The following SLC22A13 variants were observed in gnomAD, a reference collection of about 807,000 sequenced individuals.
SLC22A13 encodes the protein organic anion transporter 10.
Under a neutral mutation model 49.1 loss-of-function variants are expected in SLC22A13, and 42 were observed. The observed-to-expected ratio is 0.85, with a 90% confidence interval of 0.67 to 1.11. SLC22A13 has a LOEUF of 1.11. SLC22A13 is among the 50% of genes least tolerant of loss of function. The pLI, the probability that SLC22A13 is intolerant of heterozygous loss-of-function variation, is 0.00. For synonymous variants in SLC22A13, 282 were observed against 293.1 expected (o/e 0.96, Z 0.39); for missense variants, 694 against 712.8 (o/e 0.97, Z 0.30).
intron 4 of SLC22A13, 64 bp from the exon 5 acceptor site, chr3:38,275,306 G>A: frequency 1.2e-6 from 2 of 1,606,382 alleles, no homozygotes; most frequent in Non-Finnish European, 1.7e-6. Context: ...AGTTTGCACT[G>A]GAACAAGCTG....
At chr3:38,271,458 C>T (rs1703519402) in intron 1 of SLC22A13, among the ~76,000 whole-genome samples, 1 of 150,704 alleles carries the variant, frequency 6.6e-6, no homozygotes, top group South Asian at 2.1e-4. Context: ...CTCAGCTACT[C>T]CAGAGGCTGA....
At chr3:38,271,853 G>C (rs1703526768) in intron 1 of SLC22A13, among the ~76,000 whole-genome samples, 1 of 152,170 alleles carries the variant, frequency 6.6e-6, no homozygotes, top group Non-Finnish European at 1.5e-5. Flanking sequence ...AAAGGGAGCT[G>C]TTGAAGGTTT....
Position 38,265,825 on chromosome 3 carries a change from A to T in SLC22A13, c.-36A>T. 1.4e-5 allele frequency: 23 copies of T among 1,603,422 alleles called. No homozygotes were observed. The highest frequency in any genetic ancestry group is 2.2e-5 in the East Asian group (1 of 44,834). On this transcript the variant is annotated 5_prime_UTR_variant, in exon 1 of 10. Coordinates refer to ENST00000311856, the MANE Select transcript of SLC22A13 (RefSeq NM_004256.4). The stretch of plus-strand genomic sequence containing the variant: ...CAGAGCCAAGCTACAGAGCTACCCT[A>T]GTGTCCCCAGGCTGAGGAGGTAGTG...
Position 38,274,755 on chromosome 3 carries a change from C to A in SLC22A13, c.634C>A (p.Leu212Ile), listed in dbSNP as rs773047489. 1.7e-5 allele frequency: 27 copies of A among 1,612,984 alleles called. No homozygotes were observed. The highest frequency in any genetic ancestry group is 2.3e-5 in the Non-Finnish European group (27 of 1,179,386). The change falls in exon 3 of 10, where the codon CTA becomes ATA. Residue 212 changes from leucine (L) to isoleucine (I), a missense_variant. Transcript: ENST00000311856. ...VAGLSFSNVT[L>I]LTEWVGPSWR... ...TGGACTTAGCTTCAGCAATGTCACC[C>A]TACGTGAGTGTCTGGGCCCTGGAGC...
At chr3:38,268,384 G>T (rs867386683) in intron 1 of SLC22A13, among the ~76,000 whole-genome samples, 1 of 152,164 alleles carries the variant, frequency 6.6e-6, no homozygotes. Flanking sequence ...TTGAAAGAGG[G>T]TGTTATCATT....
intron 6 of SLC22A13, 70 bp from the exon 7 acceptor site, chr3:38,275,812 C>A: frequency 6.5e-7 from 1 of 1,527,116 alleles, no homozygotes; most frequent in Non-Finnish European, 9.0e-7. Flanking sequence ...GACTGCTGAC[C>A]AAGGCAGGCT....
At chr3:38,266,774 C>T (rs934858149) in intron 1 of SLC22A13, among the ~76,000 whole-genome samples, 2 of 152,192 alleles carry the variant, frequency 1.3e-5, no homozygotes, top group African/African-American at 4.8e-5. Context: ...ACATCCAGGA[C>T]TCTAGGACTT....
In SLC22A13 at chr3:38,275,622, G is replaced by A. The variant is rs769014812; in HGVS notation, c.972G>A (p.Leu324=). ...GCCCCTCAGGGAATGCCCTGGATCT[G>A]TTCAGACACCCCCAGCTCCGGAAGG... ...KTGPSGNALD[L]FRHPQLRKVT... Residue 324 remains leucine, a synonymous_variant, in exon 6 of 10, where the codon CTG becomes CTA. Coordinates refer to ENST00000311856, the MANE Select transcript of SLC22A13 (RefSeq NM_004256.4). 6.2e-7 allele frequency: 1 copy of A among 1,614,076 alleles called. No individual in the cohort carries two copies. The highest frequency in any genetic ancestry group is 8.5e-7 in the Non-Finnish European group (1 of 1,180,048).
intron 1 of SLC22A13, 96 bp from the exon 2 acceptor site, chr3:38,274,176 T>G (rs1478340582): frequency 2.1e-4 from 191 of 897,178 alleles, no homozygotes; most frequent in Non-Finnish European, 2.6e-4. Flanking sequence ...TTGGGAACCA[T>G]GAGCTCCTGC....
At chr3:38,274,567 G>A (rs769977517) in intron 2 of SLC22A13, 37 bp from the exon 3 acceptor site, 4 of 1,604,056 alleles carry the variant, frequency 2.5e-6, no homozygotes, top group Middle Eastern at 1.7e-4. Flanking sequence ...TGCCTTCCGG[G>A]AGGGACCCTC....
rs766432105 is a variant in SLC22A13, at chr3:38,275,456, A to G, written c.893A>G (p.Asn298Ser). 1.4e-5 allele frequency: 22 copies of G among 1,614,090 alleles called. No individual in the cohort carries two copies. In the Admixed American group the frequency reaches 2.2e-4, roughly 16 times the overall value. Residue 298 changes from asparagine to serine, a missense_variant, in exon 5 of 10, where the codon AAT (asparagine) becomes AGT (serine). Asn to Ser is a conservative substitution (Grantham distance 46). Coordinates refer to ENST00000311856, the MANE Select transcript of SLC22A13 (RefSeq NM_004256.4). ...CTGATCCAGAAGGCGGCCTCGGTCA[A>G]TAGGCGGAAACTCTCCCCGGAGCTC... Reference protein sequence around the residue: ...IQLIQKAASVNRRKLSPELMN... With the variant: ...IQLIQKAASVSRRKLSPELMN...
chr3:38,271,666 G>A (rs1486606649), intron 1 of SLC22A13, among the ~76,000 whole-genome samples: 4 of 152,120 alleles, frequency 2.6e-5, no homozygotes, highest in Middle Eastern at 6.8e-3. Flanking sequence ...CAAAGAAGTA[G>A]GAATAGGAGA....
rs1489039015 is a variant in SLC22A13, at chr3:38,274,313, ACAGT to A, written c.425_428del (p.Ser142CysfsTer71). The A allele has an allele frequency of 6.2e-7, 1 of 1,614,120 alleles. No homozygotes were observed. Among genetic ancestry groups the A allele is most frequent in the South Asian group, 1.1e-5 (1 of 91,088 alleles). On this transcript the variant is annotated frameshift_variant, in exon 2 of 10. Transcript: ENST00000311856. LOFTEE classifies it high-confidence loss of function. The stretch of plus-strand genomic sequence containing the variant: ...ATCGGAAGCACCTGAAGGACACCAC[ACAGT>A]CAGTGTTCATGGCTGGGCTCCTTGT...
At chr3:38,267,291 G>A (rs990629615) in intron 1 of SLC22A13, among the ~76,000 whole-genome samples, 2 of 152,068 alleles carry the variant, frequency 1.3e-5, no homozygotes. Context: ...TGTCCTGCCT[G>A]TCCTTCTCCC....
chr3:38,274,427 C>T, intron 2 of SLC22A13, 52 bp downstream of exon 2: 2 of 1,530,802 alleles, frequency 1.3e-6, no homozygotes, highest in Non-Finnish European at 1.8e-6. Context: ...TCAGCTCTGG[C>T]ACAGGCCCAA....
Position 38,278,266 on chromosome 3 carries a change from C to T in SLC22A13, c.*801C>T, listed in dbSNP as rs144745750. ...AGGGAAAGGGTAGAGGTCTTTTCAC[C>T]GAGCTGCTGCTGGTTGCAGTTCTTT... is the stretch of plus-strand genomic sequence containing the variant. On this transcript the variant is annotated 3_prime_UTR_variant, in exon 10 of 10. Transcript: ENST00000311856. The T allele has an allele frequency of 4.6e-5, 7 of 152,414 alleles. No homozygotes were observed. The highest frequency in any genetic ancestry group is 1.4e-4 in the African/African-American group (6 of 41,570). 9.4% of individuals were successfully genotyped at this position (152,414 alleles called of 1,614,324 possible).
At chr3:38,268,768 G>A (rs763112566) in intron 1 of SLC22A13, among the ~76,000 whole-genome samples, 7 of 152,182 alleles carry the variant, frequency 4.6e-5, no homozygotes, top group Non-Finnish European at 1.0e-4. Flanking sequence ...AGAAAAGGCA[G>A]CTTTCAGAAA....
In SLC22A13 at chr3:38,277,053, C is replaced by A; in HGVS notation, c.1488C>A (p.Cys496Ter). 1 of 1,594,370 alleles carries A rather than the reference C, an allele frequency of 6.3e-7. No homozygotes were observed. The highest frequency in any genetic ancestry group is 8.5e-7 in the Non-Finnish European group (1 of 1,170,468). Residue 496 changes from cysteine to a stop codon, truncating the protein, a stop_gained, in exon 9 of 10, where the codon TGC (cysteine) becomes TGA (stop). Transcript: ENST00000311856. LOFTEE classifies it high-confidence loss of function. ...TCCCCATCGTGGCCGGCCTGCTGTG[C>A]ACCCTGCTGCCAGAGACGCATGGCC... ...GSLPIVAGLL[C>*]TLLPETHGQG...
At chr3:38,269,089 A>T (rs942092696) in intron 1 of SLC22A13, among the ~76,000 whole-genome samples, 8 of 152,198 alleles carry the variant, frequency 5.3e-5, no homozygotes, top group Admixed American at 6.5e-5. Context: ...AAACAAAAAA[A>T]TTTTTTGAAG....
Sources: allele counts gnomAD v4.1 joint callset (sites outside exome capture counted in the v4.1 genomes callset), GRCh38; gene constraint gnomAD v4.1.1; transcripts MANE v1.5; gene names NCBI Gene and HGNC (gene_info 2026-07-23, HGNC 2026-07-21).